Variants in PMFBP1 observed in about 807,000 individuals in gnomAD.
PMFBP1 encodes polyamine-modulated factor 1-binding protein 1.
PMFBP1 carries 131 observed loss-of-function variants against 137.8 expected under a neutral mutation model. The observed-to-expected ratio is 0.95, with a 90% CI of 0.82 to 1.10. PMFBP1 has a LOEUF of 1.10. Ranked by LOEUF, PMFBP1 falls within the 50% of genes least tolerant of loss-of-function variation. The probability of loss-of-function intolerance (pLI) is 0.00; values close to 1 mark genes in which losing one functional copy is unlikely to be tolerated. For synonymous variants in PMFBP1, 490 were observed against 450.4 expected, an observed-to-expected ratio of 1.09 and a Z score of -1.11; for missense variants, 1,199 against 1,175.4, an observed-to-expected ratio of 1.02 and a Z score of -0.29.
the PMFBP1 span, among the ~76,000 whole-genome samples, chr16:72,195,503 C>T: frequency 6.6e-6 from 1 of 152,196 alleles, no homozygotes; most frequent in Admixed American, 6.5e-5. Flanking sequence ...TTGCTAACCC[C>T]TCCTGCCTCC....
chr16:72,240,783 CT>C, the PMFBP1 span, among the ~76,000 whole-genome samples: 7 of 152,318 alleles, frequency 4.6e-5, no homozygotes, highest in African/African-American at 1.7e-4. Flanking sequence ...CAAAAGATCT[CT>C]AAGGGGTCCT....
intron 8 of PMFBP1, 43 bp downstream of exon 8, chr16:72,136,650 C>T: frequency 6.2e-7 from 1 of 1,614,072 alleles, no homozygotes; most frequent in East Asian, 2.2e-5. Context: ...GAGAGTTAGG[C>T]TTCCTTCTGG....
chr16:72,189,469 C>T, the PMFBP1 span, among the ~76,000 whole-genome samples: 1 of 152,124 alleles, frequency 6.6e-6, no homozygotes, highest in African/African-American at 2.4e-5. Context: ...GAGTGCCAAT[C>T]TTGGAGGAAT....
the PMFBP1 span, among the ~76,000 whole-genome samples, chr16:72,231,753 C>A: frequency 6.6e-6 from 1 of 152,116 alleles, no homozygotes; most frequent in Non-Finnish European, 1.5e-5. Context: ...CATGCTGCTG[C>A]AAAATTTTCT....
intron 9 of PMFBP1, 102 bp from the exon 10 acceptor site, chr16:72,133,093 T>C: frequency 7.0e-7 from 1 of 1,434,602 alleles, no homozygotes; most frequent in Non-Finnish European, 9.5e-7. Context: ...TGGCATCCCC[T>C]GCCTGGACAT....
chr16:72,215,741 C>G, the PMFBP1 span, among the ~76,000 whole-genome samples: 1 of 152,166 alleles, frequency 6.6e-6, no homozygotes, highest in Non-Finnish European at 1.5e-5. Flanking sequence ...CAAAAACTAA[C>G]CACTCATCCA....
chr16:72,234,485 T>G, the PMFBP1 span, among the ~76,000 whole-genome samples: 1 of 152,178 alleles, frequency 6.6e-6, no homozygotes, highest in Non-Finnish European at 1.5e-5. Flanking sequence ...AGACATGTGA[T>G]GTACACAGCA....
intron 9 of PMFBP1, among the ~76,000 whole-genome samples, chr16:72,134,988 T>C (rs1017461221): frequency 3.3e-5 from 5 of 152,170 alleles, no homozygotes; most frequent in Non-Finnish European, 5.9e-5. Context: ...ACTAGGACGG[T>C]GCTTGGCATA....
chr16:72,151,168 T>A (rs2042896962), intron 4 of PMFBP1, among the ~76,000 whole-genome samples: 1 of 152,234 alleles, frequency 6.6e-6, no homozygotes, highest in Non-Finnish European at 1.5e-5. Flanking sequence ...CTTGAAATGC[T>A]GGTATTTTTT....
intron 15 of PMFBP1, 39 bp downstream of exon 15, chr16:72,125,928 GC>G: frequency 6.3e-7 from 1 of 1,598,944 alleles, no homozygotes; most frequent in Non-Finnish European, 8.5e-7. Flanking sequence ...ACGTTTCCTT[GC>G]CTGAAAACAG....
At chr16:72,177,962 G>A (rs2043264258), upstream of PMFBP1, among the ~76,000 whole-genome samples, 1 of 152,010 alleles carries the variant, frequency 6.6e-6, no homozygotes, top group Non-Finnish European at 1.5e-5. Flanking sequence ...TGTGAACATG[G>A]CACACTGCAG....
chr16:72,206,261 T>G, the PMFBP1 span, among the ~76,000 whole-genome samples: 7 of 152,180 alleles, frequency 4.6e-5, no homozygotes, highest in South Asian at 8.3e-4. Flanking sequence ...TGAAATGAGA[T>G]CATGCCTGTG....
chr16:72,221,973 G>T, the PMFBP1 span, among the ~76,000 whole-genome samples: 1 of 152,132 alleles, frequency 6.6e-6, no homozygotes, highest in African/African-American at 2.4e-5. Flanking sequence ...GCACTTTGCC[G>T]GGCTCAGGTA....
Position 72,157,105 on chromosome 16 carries a change from C to G in PMFBP1, c.166-2646G>C, listed in dbSNP as rs184336038. Among the ~76,000 whole-genome samples, 338 of 141,952 alleles carry G rather than the reference C, an allele frequency of 2.4e-3. 2 individuals are homozygous for G. The highest frequency in any genetic ancestry group is 8.6e-3 in the African/African-American group (328 of 37,950). 93.1% of individuals were successfully genotyped at this position (141,952 alleles called of 152,430 possible). ...TCAGGAGGTTGAGGCAGGAAAATGG[C>G]GTGAACCCGGGAGGCAGAGCTTGCA... On this transcript the variant is annotated intron_variant, in intron 3 of 20. Coordinates refer to ENST00000237353, the MANE Select transcript of PMFBP1 (RefSeq NM_031293.3).
intron 14 of PMFBP1, among the ~76,000 whole-genome samples, chr16:72,127,631 G>A (rs1321588556): frequency 6.6e-6 from 1 of 152,186 alleles, no homozygotes; most frequent in African/African-American, 2.4e-5. Context: ...TCTACATATA[G>A]AAGTATGTAA....
At chr16:72,192,653 C>G in the PMFBP1 span, among the ~76,000 whole-genome samples, 1 of 151,592 alleles carries the variant, frequency 6.6e-6, no homozygotes, top group African/African-American at 2.4e-5. Context: ...TTTGGGAGGC[C>G]GAGGCAGGCA....
the PMFBP1 span, among the ~76,000 whole-genome samples, chr16:72,189,159 C>T: frequency 9.9e-5 from 15 of 152,214 alleles, no homozygotes; most frequent in South Asian, 2.9e-3. Context: ...CCAACAACCT[C>T]CAGAGGCAGA....
intron 19 of PMFBP1, 55 bp downstream of exon 19, chr16:72,122,859 C>T: frequency 6.5e-7 from 1 of 1,540,102 alleles, no homozygotes; most frequent in Non-Finnish European, 8.9e-7. Flanking sequence ...TGGCTCCCTG[C>T]TGACCCTTCT....
the PMFBP1 span, among the ~76,000 whole-genome samples, chr16:72,213,201 G>GT: frequency 5.3e-5 from 8 of 151,146 alleles, no homozygotes; most frequent in Non-Finnish European, 8.9e-5. Flanking sequence ...AGAGCCCGGG[G>GT]GGGGGTGGGG....
Sources: gnomAD v4.1 joint callset for allele counts (sites outside exome capture counted in the v4.1 genomes callset) on GRCh38, gnomAD v4.1.1 for gene constraint, MANE v1.5 for transcripts, NCBI Gene and HGNC (gene_info 2026-07-23, HGNC 2026-07-21) for gene names.